The following PTGFRN variants were observed in gnomAD, a reference collection of about 807,000 sequenced individuals.
PTGFRN encodes the protein prostaglandin F2 receptor inhibitor.
PTGFRN carries 35 observed loss-of-function variants against 83.2 expected under a neutral mutation model. That is an observed-to-expected ratio of 0.42 (90% CI 0.32 to 0.56). PTGFRN has a LOEUF of 0.56. Ranked by LOEUF, PTGFRN falls within the 20% of genes least tolerant of loss-of-function variation. The probability of loss-of-function intolerance (pLI) is 0.11; values close to 1 mark genes in which losing one functional copy is unlikely to be tolerated. For missense variants in PTGFRN, 1,051 were observed against 1,179.5 expected (o/e 0.89, Z 1.60); for synonymous variants, 519 against 498.6 (o/e 1.04, Z -0.55).
rs190672074 is a variant in PTGFRN at position 116,976,132 on chromosome 1, G to A, written c.2167+1809G>A. Reference sequence around the variant, plus strand: ...GGAAGAAAGGGTATCAGTGATTGAAGATCAAACGAATGAAATGAAGCGAGA... The same window carrying A: ...GGAAGAAAGGGTATCAGTGATTGAAAATCAAACGAATGAAATGAAGCGAGA... On this transcript the variant is annotated intron_variant, in intron 7 of 8. Transcript: ENST00000393203. Among the ~76,000 whole-genome samples, 103 of 152,280 alleles carry A rather than the reference G, an allele frequency of 6.8e-4. 1 individual carries two copies. The Middle Eastern group carries it at 0.01, about 15-fold the overall frequency.
intron 6 of PTGFRN, among the ~76,000 whole-genome samples, chr1:116,972,661 G>T (rs1166132867): frequency 6.6e-6 from 1 of 152,170 alleles, no homozygotes; most frequent in African/African-American, 2.4e-5. Flanking sequence ...AGCACCTAGG[G>T]CCTTCAATCG....
At chr1:116,944,476 G>T (rs1650134673) in intron 2 of PTGFRN, among the ~76,000 whole-genome samples, 1 of 152,130 alleles carries the variant, frequency 6.6e-6, no homozygotes, top group Non-Finnish European at 1.5e-5. Context: ...TCTAGCATGG[G>T]GTTTTTTTGG....
rs1371257385 is a variant in PTGFRN, at chr1:116,966,189, A to C, written c.1640-722A>C. Among the ~76,000 whole-genome samples, 3 of 152,284 alleles carry C rather than the reference A, an allele frequency of 2.0e-5. No homozygotes were observed. In the East Asian group the frequency reaches 5.8e-4, roughly 29 times the overall value. On this transcript the variant is annotated intron_variant, in intron 5 of 8. Transcript: ENST00000393203. ...ATAATAGATGAATTCTAATGTGTAC[A>C]TGCATAGGCATTGTTGTTTTGACAG...
rs2101070286 is a variant in PTGFRN at position 116,952,310 on chromosome 1, C to G, written c.1213+2738C>G. ...GGGGATTGAAGCTGATTGGGGTCTTCTAGAGTTCCACTGTGCTAAGCAGGA... is the reference window on the plus strand; with the variant it reads ...GGGGATTGAAGCTGATTGGGGTCTTGTAGAGTTCCACTGTGCTAAGCAGGA... On this transcript the variant is annotated intron_variant, in intron 4 of 8. Transcript: ENST00000393203. This position sits in a 1 kb window ranked among gnomAD's most constrained non-coding sequence, Gnocchi z 4.0. Among the ~76,000 whole-genome samples, 1 of 152,146 alleles carries G rather than the reference C, an allele frequency of 6.6e-6. No homozygotes were observed. Among genetic ancestry groups the G allele is most frequent in the African/African-American group, 2.4e-5 (1 of 41,522 alleles).
intron 4 of PTGFRN, among the ~76,000 whole-genome samples, chr1:116,959,389 T>A (rs1029546978): frequency 2.0e-5 from 3 of 152,204 alleles, no homozygotes; most frequent in Non-Finnish European, 4.4e-5. Flanking sequence ...ATTAAATACT[T>A]GTGAAGATGA....
chr1:116,943,741 G>A (rs1650114294), intron 2 of PTGFRN, among the ~76,000 whole-genome samples: 1 of 152,094 alleles, frequency 6.6e-6, no homozygotes, highest in Non-Finnish European at 1.5e-5. Flanking sequence ...TGGGTCTTCA[G>A]GATGTGTCCT....
At chr1:116,947,722 G>C (rs1202571360) in intron 3 of PTGFRN, among the ~76,000 whole-genome samples, 1 of 152,150 alleles carries the variant, frequency 6.6e-6, no homozygotes, top group Non-Finnish European at 1.5e-5. Context: ...AGGATTCCAG[G>C]GTTTCTGGCC....
chr1:116,927,974 T>G (rs1649696035), intron 1 of PTGFRN, among the ~76,000 whole-genome samples: 1 of 152,190 alleles, frequency 6.6e-6, no homozygotes, highest in Non-Finnish European at 1.5e-5. Flanking sequence ...AAAGAAGATT[T>G]CCAGATATAA....
At chr1:116,979,482 T>C (rs1282578559) in intron 7 of PTGFRN, among the ~76,000 whole-genome samples, 4 of 152,186 alleles carry the variant, frequency 2.6e-5, no homozygotes. Context: ...ACTACAAGGC[T>C]GCAGTAACCA....
intron 4 of PTGFRN, among the ~76,000 whole-genome samples, chr1:116,950,202 A>T (rs2101068874): frequency 6.6e-6 from 1 of 152,318 alleles, no homozygotes; most frequent in East Asian, 1.9e-4. Flanking sequence ...GTATATGTGG[A>T]GATCTTTGGC....
intron 1 of PTGFRN, among the ~76,000 whole-genome samples, chr1:116,922,959 G>C (rs1649574493): frequency 6.6e-6 from 1 of 152,180 alleles, no homozygotes; most frequent in Non-Finnish European, 1.5e-5. Context: ...CATTTCCTCA[G>C]TGAAATGAGG....
chr1:116,960,948 C>G (rs890027146), intron 4 of PTGFRN, among the ~76,000 whole-genome samples: 2 of 152,094 alleles, frequency 1.3e-5, no homozygotes, highest in Admixed American at 1.3e-4. Flanking sequence ...CTTGGGGAAA[C>G]TGACAGCAGA....
intron 4 of PTGFRN, 74 bp downstream of exon 4, chr1:116,949,646 C>G (rs1650289745): frequency 6.5e-7 from 1 of 1,528,170 alleles, no homozygotes; most frequent in Non-Finnish European, 8.8e-7. Context: ...GGAGTTATCT[C>G]AGGAGGCTCT....
intron 4 of PTGFRN, among the ~76,000 whole-genome samples, chr1:116,950,115 G>C (rs1650305062): frequency 6.6e-6 from 1 of 152,114 alleles, no homozygotes; most frequent in African/African-American, 2.4e-5. Flanking sequence ...CTCACCCCAG[G>C]TGTAATTTCC....
intron 4 of PTGFRN, among the ~76,000 whole-genome samples, chr1:116,959,852 T>C (rs1650598218): frequency 6.6e-6 from 1 of 152,010 alleles, no homozygotes; most frequent in East Asian, 1.9e-4. Flanking sequence ...GGTATGTTCC[T>C]GAATTCCCAG....
chr1:116,910,240 C>G lies in PTGFRN; in HGVS notation c.37C>G (p.Leu13Val). The change falls in exon 1 of 9, where the codon CTC becomes GTC. Residue 13 changes from leucine to valine, a missense_variant. This residue lies in a region of PTGFRN where 127 missense variants were observed against 168.4 expected (regional missense o/e 0.75). Transcript: ENST00000393203. ...GGCCTCGAGGCCGCTGCTGCTGGCG[C>G]TCCTGTCGTTGGGTGAGTGTGCGCG... ...RLASRPLLLA[L>V]LSLALCRGRV... 2 of 1,455,166 alleles carry G rather than the reference C, an allele frequency of 1.4e-6. No individual in the cohort carries two copies. Among genetic ancestry groups the G allele is most frequent in the East Asian group, 5.4e-5 (2 of 36,736 alleles). The allele number at this position is 1,455,166 out of a possible 1,614,324, so 90.1% of individuals were successfully genotyped here.
In PTGFRN at chr1:116,909,939, C is replaced by T; in HGVS notation, c.-265C>T. ...TTCCCTTCTGCTTTCGGGAAGCGGT[C>T]GGGGCTGCACACTCGGATCGGCGGG... On this transcript the variant is annotated 5_prime_UTR_variant, in exon 1 of 9. Coordinates refer to ENST00000393203, the MANE Select transcript of PTGFRN (RefSeq NM_020440.4). 3.9e-6 allele frequency: 2 copies of T among 508,354 alleles called. No individual in the cohort carries two copies. Among genetic ancestry groups the T allele is most frequent in the Non-Finnish European group, 3.5e-6 (1 of 287,908 alleles). 31.5% of individuals were successfully genotyped at this position (508,354 alleles called of 1,614,324 possible).
In PTGFRN at chr1:116,958,995, A is replaced by G. The variant is rs1039914068; in HGVS notation, c.1214-2248A>G. On this transcript the variant is annotated intron_variant, in intron 4 of 8. Coordinates refer to ENST00000393203, the MANE Select transcript of PTGFRN (RefSeq NM_020440.4). This position sits in a 1 kb window ranked among gnomAD's most constrained non-coding sequence, Gnocchi z 4.9. ...TCTGGGGCAGTCTTACCCTATGCAC[A>G]GCTGGTGCAAATCTGCCCTTTCCAC... Among the ~76,000 whole-genome samples the G allele has an allele frequency of 6.6e-6, 1 of 152,222 alleles. No homozygotes were observed. The highest frequency in any genetic ancestry group is 1.5e-5 in the Non-Finnish European group (1 of 68,036).
chr1:116,910,196 G>A lies in PTGFRN; in HGVS notation c.-8G>A, dbSNP rs992612172. 1.6e-5 allele frequency: 24 copies of A among 1,484,334 alleles called. No homozygotes were observed. In the Admixed American group the frequency reaches 4.0e-4, roughly 24 times the overall value. The allele number at this position is 1,484,334 out of a possible 1,614,324, so 91.9% of individuals were successfully genotyped here. A position where few individuals can be genotyped will look rare whatever the true frequency, so the allele number is the denominator to read the frequency against. ...GAGGAGGGGGAGAGTCGCTCCCGCC[G>A]GGCGAGCATGGGGCGCCTGGCCTCG... is the stretch of plus-strand genomic sequence containing the variant. On this transcript the variant is annotated 5_prime_UTR_variant, in exon 1 of 9. Coordinates refer to ENST00000393203, the MANE Select transcript of PTGFRN (RefSeq NM_020440.4).
Sources: gnomAD v4.1 joint callset for allele counts (sites outside exome capture counted in the v4.1 genomes callset) on GRCh38, gnomAD v4.1.1 for gene constraint, gnomAD v4.1.1 regional missense constraint, Gnocchi (gnomAD v3.1) non-coding constraint, MANE v1.5 for transcripts, NCBI Gene and HGNC (gene_info 2026-07-23, HGNC 2026-07-21) for gene names.